LRMDA: variants seen among roughly 807,000 people sequenced by gnomAD.
LRMDA encodes the protein leucine-rich melanocyte differentiation-associated protein.
LRMDA carries 18 observed loss-of-function variants against 29.8 expected under a neutral mutation model. That is an observed-to-expected ratio of 0.60 (90% confidence interval 0.42 to 0.90). The LOEUF (loss-of-function observed/expected upper bound fraction) is 0.90, where lower values mean the gene tolerates loss of function less well. Among genes scored for constraint, LRMDA ranks in the 40% least tolerant of loss-of-function variants. LRMDA has a pLI of 0.00. For synonymous variants in LRMDA, 125 were observed against 109.4 expected, an observed-to-expected ratio of 1.14 and a Z score of -0.89; for missense variants, 273 against 273.9, an observed-to-expected ratio of 1.00 and a Z score of 0.02.
At chr10:76,048,524 G>T (rs902773272) in intron 4 of LRMDA, among the ~76,000 whole-genome samples, 1 of 152,132 alleles carries the variant, frequency 6.6e-6, no homozygotes, top group African/African-American at 2.4e-5. Flanking sequence ...CAAGGTATGT[G>T]GGGTCAGATC....
At chr10:75,508,035 C>T (rs530075738) in intron 2 of LRMDA, among the ~76,000 whole-genome samples, 6 of 152,306 alleles carry the variant, frequency 3.9e-5, no homozygotes, top group Non-Finnish European at 5.9e-5. Context: ...GTATAGGGTT[C>T]GTAACTCTTT....
intron 2 of LRMDA, among the ~76,000 whole-genome samples, chr10:75,871,428 T>C (rs993346707): frequency 1.4e-4 from 22 of 152,332 alleles, no homozygotes; most frequent in African/African-American, 3.8e-4. Context: ...CTAAAGCTGA[T>C]GGATTGCTGC....
intron 5 of LRMDA, among the ~76,000 whole-genome samples, chr10:76,250,540 CTCA>C (rs531007088): frequency 1.3e-5 from 2 of 152,110 alleles, no homozygotes; most frequent in South Asian, 4.1e-4. Context: ...GTATCCGTTT[CTCA>C]TCATGAATAG....
chr10:76,285,466 T>C (rs1366395607), intron 5 of LRMDA, among the ~76,000 whole-genome samples: 2 of 152,124 alleles, frequency 1.3e-5, no homozygotes, highest in East Asian at 1.9e-4. Flanking sequence ...CCCTTTATCC[T>C]GATAGCAGGA....
intron 5 of LRMDA, among the ~76,000 whole-genome samples, chr10:76,229,204 G>A (rs915170125): frequency 2.0e-5 from 3 of 152,168 alleles, no homozygotes; most frequent in African/African-American, 2.4e-5. Flanking sequence ...TCTGAGAATT[G>A]AAATGACAAT....
chr10:75,989,091 C>CAACTCCACA lies in LRMDA; in HGVS notation c.132-46915_132-46907dup, dbSNP rs146358274. ...TTGCATGCCTTCCATTGCGGGAATC[C>CAACTCCACA]AACTCCACAAGGGCTGGGGTCCCAT... On this transcript the variant is annotated intron_variant, in intron 2 of 6. Transcript: ENST00000611255. Among the ~76,000 whole-genome samples, 1,449 of 152,268 alleles carry CAACTCCACA rather than the reference C, an allele frequency of 9.5e-3. 32 individuals are homozygous for CAACTCCACA. Among genetic ancestry groups the CAACTCCACA allele is most frequent in the African/African-American group, 0.033 (1,371 of 41,538 alleles).
At chr10:76,514,254 G>A (rs1231067932) in intron 6 of LRMDA, among the ~76,000 whole-genome samples, 1 of 152,150 alleles carries the variant, frequency 6.6e-6, no homozygotes, top group Non-Finnish European at 1.5e-5. Context: ...GCCTTCCAAA[G>A]TGTCTACTTG....
rs541540830 is a variant in LRMDA, at chr10:75,629,261, A to G, written c.131+190767A>G. 3.9e-5 allele frequency among the ~76,000 whole-genome samples: 6 copies of G among 152,308 alleles called. No individual in the cohort carries two copies. The South Asian group carries it at 1.2e-3, about 32-fold the overall frequency. On this transcript the variant is annotated intron_variant, in intron 2 of 6. Coordinates refer to ENST00000611255, the MANE Select transcript of LRMDA (RefSeq NM_001305581.2). ...ATCATCTTCATCTAGTTGGGAAGAAATGGTGGGCAAGTGAAGCTGGAAGTT... is the reference window on the plus strand; with the variant it reads ...ATCATCTTCATCTAGTTGGGAAGAAGTGGTGGGCAAGTGAAGCTGGAAGTT...
At chr10:76,516,810 C>A (rs1438590916) in intron 6 of LRMDA, among the ~76,000 whole-genome samples, 1 of 152,154 alleles carries the variant, frequency 6.6e-6, no homozygotes, top group African/African-American at 2.4e-5. Flanking sequence ...CATACGTGTG[C>A]ATGTGTCTTT....
In LRMDA at chr10:75,946,808, C is replaced by T. The variant is rs565129413; in HGVS notation, c.132-89200C>T. Reference sequence around the variant, plus strand: ...TACAGACTCCTCTCGTGTTCTCGGCCACTCACCTTAGGCAGGGGTCCACTC... The same window carrying T: ...TACAGACTCCTCTCGTGTTCTCGGCTACTCACCTTAGGCAGGGGTCCACTC... On this transcript the variant is annotated intron_variant, in intron 2 of 6. Coordinates refer to ENST00000611255, the MANE Select transcript of LRMDA (RefSeq NM_001305581.2). Among the ~76,000 whole-genome samples, 6 of 152,282 alleles carry T rather than the reference C, an allele frequency of 3.9e-5. No homozygotes were observed. In the South Asian group the frequency reaches 1.2e-3, roughly 32 times the overall value.
At chr10:75,689,479 G>C (rs1168206824) in intron 2 of LRMDA, among the ~76,000 whole-genome samples, 1 of 152,176 alleles carries the variant, frequency 6.6e-6, no homozygotes, top group Non-Finnish European at 1.5e-5. Flanking sequence ...AGTCGTAAGG[G>C]GATCCCTGAA....
intron 2 of LRMDA, among the ~76,000 whole-genome samples, chr10:75,613,998 C>T (rs1841067817): frequency 1.3e-5 from 2 of 152,254 alleles, no homozygotes; most frequent in South Asian, 2.1e-4. Flanking sequence ...GCAGATAAGA[C>T]CTTGAAAATG....
At chr10:75,521,430 C>T (rs942100441) in intron 2 of LRMDA, among the ~76,000 whole-genome samples, 1 of 152,248 alleles carries the variant, frequency 6.6e-6, no homozygotes, top group Non-Finnish European at 1.5e-5. Flanking sequence ...CGCCCCTCCC[C>T]CTGCCTGACT....
chr10:76,066,965 G>A (rs1287983701), intron 5 of LRMDA, among the ~76,000 whole-genome samples: 4 of 152,208 alleles, frequency 2.6e-5, no homozygotes. Flanking sequence ...ACTGGTCTGA[G>A]GCTGCCACAG....
intron 2 of LRMDA, among the ~76,000 whole-genome samples, chr10:75,959,510 C>T (rs537766168): frequency 1.5e-3 from 131 of 86,036 alleles, no homozygotes; most frequent in Non-Finnish European, 2.3e-3. Context: ...TGTGCGCGCA[C>T]GTGCATGCAC....
At position 75,831,639 on chromosome 10, in the gene LRMDA, G is replaced by A. The variant is rs532566618; in HGVS notation, c.132-204369G>A. Reference sequence around the variant, plus strand: ...TGCCTCAGTAGGGACTCTGTGTGGAGGCTCCAATCCCACATTTCCTGGCCA... The same window carrying A: ...TGCCTCAGTAGGGACTCTGTGTGGAAGCTCCAATCCCACATTTCCTGGCCA... On this transcript the variant is annotated intron_variant, in intron 2 of 6. Transcript: ENST00000611255. Among the ~76,000 whole-genome samples, 8 of 152,270 alleles carry A rather than the reference G, an allele frequency of 5.3e-5. No homozygotes were observed. In the South Asian group the frequency reaches 1.7e-3, roughly 32 times the overall value.
intron 5 of LRMDA, among the ~76,000 whole-genome samples, chr10:76,071,351 C>A (rs537480717): frequency 1.3e-5 from 2 of 151,994 alleles, no homozygotes; most frequent in Non-Finnish European, 2.9e-5. Flanking sequence ...AACAAACAAA[C>A]AAAAAAATCT....
chr10:75,522,601 C>G (rs1183225809), intron 2 of LRMDA, among the ~76,000 whole-genome samples: 1 of 152,140 alleles, frequency 6.6e-6, no homozygotes, highest in African/African-American at 2.4e-5. Flanking sequence ...GGCAGATTGT[C>G]CTAGTCACCC....
At chr10:76,345,783 A>T (rs1408118592) in intron 6 of LRMDA, among the ~76,000 whole-genome samples, 1 of 152,158 alleles carries the variant, frequency 6.6e-6, no homozygotes, top group Non-Finnish European at 1.5e-5. Context: ...ATAACCTAAC[A>T]ATTACACATG....
Sources: gnomAD v4.1 joint callset for allele counts (sites outside exome capture counted in the v4.1 genomes callset) on GRCh38, gnomAD v4.1.1 for gene constraint, MANE v1.5 for transcripts, NCBI Gene and HGNC (gene_info 2026-07-23, HGNC 2026-07-21) for gene names.